The following XPR1 variants were observed in gnomAD, a reference collection of about 807,000 sequenced individuals.
The protein encoded by XPR1 is xenotropic and polytropic retrovirus receptor 1, also known as solute carrier family 53 member 1.
XPR1 carries 28 observed loss-of-function variants against 87.5 expected under a neutral mutation model. The ratio of observed to expected loss-of-function variants is 0.32; its 90% CI spans 0.24 to 0.44. XPR1 has a LOEUF of 0.44. Ranked by LOEUF, XPR1 falls within the 20% of genes least tolerant of loss-of-function variation. The pLI, the probability that XPR1 is intolerant of heterozygous loss-of-function variation, is 1.00. For synonymous variants in XPR1, 300 were observed against 306.1 expected, an observed-to-expected ratio of 0.98 and a Z score of 0.21; for missense variants, 559 against 862.3, an observed-to-expected ratio of 0.65 and a Z score of 4.41.
intron 7 of XPR1, among the ~76,000 whole-genome samples, chr1:180,813,530 A>AT (rs1362917697): frequency 2.6e-5 from 4 of 152,032 alleles, no homozygotes; most frequent in African/African-American, 9.7e-5. Context: ...ATGCCTGGGC[A>AT]TTTGTCTCTC....
intron 2 of XPR1, among the ~76,000 whole-genome samples, chr1:180,692,322 C>T (rs1022160274): frequency 6.6e-6 from 1 of 151,938 alleles, no homozygotes; most frequent in Non-Finnish European, 1.5e-5. Flanking sequence ...TCTGTAGGCA[C>T]TGAGCCTTGT....
intron 2 of XPR1, among the ~76,000 whole-genome samples, chr1:180,710,370 C>G (rs948157442): frequency 2.0e-5 from 3 of 152,048 alleles, no homozygotes; most frequent in Non-Finnish European, 4.4e-5. Flanking sequence ...GTTTGTGTCC[C>G]TGGGTACTTG....
intron 2 of XPR1, among the ~76,000 whole-genome samples, chr1:180,726,331 C>G (rs182162736): frequency 6.6e-6 from 1 of 152,312 alleles, no homozygotes; most frequent in African/African-American, 2.4e-5. Context: ...GGGTCCCCTT[C>G]CATGCTGTGG....
At chr1:180,802,718 T>C (rs1649836060) in intron 3 of XPR1, among the ~76,000 whole-genome samples, 1 of 152,222 alleles carries the variant, frequency 6.6e-6, no homozygotes, top group African/African-American at 2.4e-5. Context: ...AGCAGTAATC[T>C]ACTTTCTTTC....
rs1294069648 is a variant in XPR1 at position 180,887,392 on chromosome 1, A to G, written c.*3326A>G. On this transcript the variant is annotated 3_prime_UTR_variant, in exon 15 of 15. Transcript: ENST00000367590. Reference sequence around the variant, plus strand: ...TTCATTTTATGGTAGTATAGAAAGCATTGATGTGTGTAGAGAAATTAAAAG... The same window carrying G: ...TTCATTTTATGGTAGTATAGAAAGCGTTGATGTGTGTAGAGAAATTAAAAG... The G allele has an allele frequency of 2.0e-5, 3 of 152,254 alleles. No homozygotes were observed. In the East Asian group the frequency reaches 5.8e-4, roughly 29 times the overall value. The allele number at this position is 152,254 out of a possible 1,614,324, so 9.4% of individuals were successfully genotyped here. A position where few individuals can be genotyped will look rare whatever the true frequency, so the allele number is the denominator to read the frequency against.
At chr1:180,637,119 A>G (rs912289820) in intron 1 of XPR1, among the ~76,000 whole-genome samples, 4 of 151,664 alleles carry the variant, frequency 2.6e-5, no homozygotes, top group East Asian at 3.9e-4. Context: ...ATTTTTATGC[A>G]TAAGAAAAGG....
rs187339050 is a variant in XPR1 at position 180,879,570 on chromosome 1, G to C, written c.1809-506G>C. ...TTCCTCCAGGATTTTTACATGACTT[G>C]CTTCTTTGTATCAGTCAGGTTTTCA... On this transcript the variant is annotated intron_variant, in intron 13 of 14. Transcript: ENST00000367590. Among the ~76,000 whole-genome samples, 480 of 152,184 alleles carry C rather than the reference G, an allele frequency of 3.2e-3. 1 individual carries two copies. The highest frequency in any genetic ancestry group is 5.3e-3 in the Non-Finnish European group (362 of 68,014).
intron 2 of XPR1, among the ~76,000 whole-genome samples, chr1:180,699,209 C>CTTTTTTTTTTTT (rs1168669274): frequency 8.3e-5 from 11 of 132,572 alleles, no homozygotes; most frequent in Non-Finnish European, 1.1e-4. Context: ...TTTATTCTTT[C>CTTTTTTTTTTTT]TTTTTTTTTT....
intron 11 of XPR1, among the ~76,000 whole-genome samples, chr1:180,840,092 G>A (rs1241480854): frequency 3.3e-5 from 5 of 151,546 alleles, no homozygotes; most frequent in Non-Finnish European, 5.9e-5. Context: ...GAGCGGTGGC[G>A]GGCGCCTGTA....
intron 2 of XPR1, among the ~76,000 whole-genome samples, chr1:180,702,266 C>T (rs1338225843): frequency 2.5e-5 from 3 of 118,064 alleles, no homozygotes; most frequent in African/African-American, 3.3e-5. Context: ...ATTCTTAATC[C>T]TGAGTTCTAG....
At chr1:180,659,753 G>A (rs1050538581) in intron 1 of XPR1, among the ~76,000 whole-genome samples, 3 of 151,924 alleles carry the variant, frequency 2.0e-5, no homozygotes, top group African/African-American at 4.8e-5. Context: ...TCCTGACCTC[G>A]TGATCCACCT....
rs1335253302 is a variant in XPR1, at chr1:180,890,252, G to A, written c.*6186G>A. 1 of 152,160 alleles carries A rather than the reference G, an allele frequency of 6.6e-6. No individual in the cohort carries two copies. Among genetic ancestry groups the A allele is most frequent in the Non-Finnish European group, 1.5e-5 (1 of 68,018 alleles). The allele number at this position is 152,160 out of a possible 1,614,324, so 9.4% of individuals were successfully genotyped here. On this transcript the variant is annotated 3_prime_UTR_variant, in exon 15 of 15. Transcript: ENST00000367590. Reference sequence around the variant, plus strand: ...TACAATTTCTCTCTGTTTTCCAACAGTTTGCTGACTCCTTTGTCACTGGTG... The same window carrying A: ...TACAATTTCTCTCTGTTTTCCAACAATTTGCTGACTCCTTTGTCACTGGTG...
At chr1:180,796,759 G>A (rs747625769) in intron 3 of XPR1, among the ~76,000 whole-genome samples, 2 of 152,050 alleles carry the variant, frequency 1.3e-5, no homozygotes, top group East Asian at 3.8e-4. Flanking sequence ...ATCGCTTCTC[G>A]GCCTTTTGGC....
chr1:180,746,316 G>C (rs1647245401), intron 2 of XPR1, among the ~76,000 whole-genome samples: 1 of 152,080 alleles, frequency 6.6e-6, no homozygotes. Flanking sequence ...ATACCATTCT[G>C]TATGCCTTTG....
Position 180,706,077 on chromosome 1 carries a change from A to C in XPR1, c.121+23666A>C, listed in dbSNP as rs548193456. Among the ~76,000 whole-genome samples, 7 of 152,326 alleles carry C rather than the reference A, an allele frequency of 4.6e-5. No individual in the cohort carries two copies. In the South Asian group the frequency reaches 1.4e-3, roughly 32 times the overall value. The stretch of plus-strand genomic sequence containing the variant: ...GTAGAACACTTAAAATGAAGCATGG[A>C]GGGTTATCACTGGAGAATAGTTAGC... On this transcript the variant is annotated intron_variant, in intron 2 of 14. Coordinates refer to ENST00000367590, the MANE Select transcript of XPR1 (RefSeq NM_004736.4).
intron 1 of XPR1, among the ~76,000 whole-genome samples, chr1:180,669,825 C>T (rs1475470396): frequency 6.6e-6 from 1 of 151,952 alleles, no homozygotes; most frequent in Non-Finnish European, 1.5e-5. Context: ...AAGAGATTAA[C>T]AATAATAACT....
rs539751147 is a variant in XPR1, at chr1:180,761,820, A to G, written c.122-25933A>G. 3.3e-4 allele frequency among the ~76,000 whole-genome samples: 50 copies of G among 152,286 alleles called. No homozygotes were observed. In the East Asian group the frequency reaches 6.4e-3, roughly 19 times the overall value. On this transcript the variant is annotated intron_variant, in intron 2 of 14. Coordinates refer to ENST00000367590, the MANE Select transcript of XPR1 (RefSeq NM_004736.4). ...CATGCTGCTATAAAGACACATGCAC[A>G]CGTATGTTTATAGCGGCACTATTCA...
At chr1:180,680,891 A>G (rs73051230) in intron 1 of XPR1, among the ~76,000 whole-genome samples, 6,551 of 152,304 alleles carry the variant, frequency 0.043, 506 homozygotes, top group African/African-American at 0.15. Context: ...AAAGAATGAA[A>G]TTCTATCATT....
chr1:180,677,471 A>G (rs1656406550), intron 1 of XPR1, among the ~76,000 whole-genome samples: 1 of 152,118 alleles, frequency 6.6e-6, no homozygotes, highest in Non-Finnish European at 1.5e-5. Context: ...GTGCTGAATC[A>G]GTTCCTGAGT....
Sources: allele counts gnomAD v4.1 joint callset (sites outside exome capture counted in the v4.1 genomes callset), GRCh38; gene constraint gnomAD v4.1.1; transcripts MANE v1.5; gene names NCBI Gene and HGNC (gene_info 2026-07-23, HGNC 2026-07-21).